The following CAST variants were observed in gnomAD, a reference collection of about 807,000 sequenced individuals.
CAST encodes MIR583 host.
In CAST, 76 loss-of-function variants were observed where a neutral mutation model predicts 119.6. The observed-to-expected ratio is 0.64, with a 90% confidence interval of 0.53 to 0.77. The LOEUF (loss-of-function observed/expected upper bound fraction) is 0.77. CAST is among the 30% of genes least tolerant of loss of function. The probability of loss-of-function intolerance (pLI) is 0.00; values close to 1 mark genes in which losing one functional copy is unlikely to be tolerated. For missense variants in CAST, 953 were observed against 946.5 expected (o/e 1.01, Z -0.09); for synonymous variants, 319 against 331.6 (o/e 0.96, Z 0.41).
chr5:96,362,831 T>G, the CAST span, among the ~76,000 whole-genome samples: 200 of 152,170 alleles, frequency 1.3e-3, 1 homozygote, highest in African/African-American at 4.5e-3. Context: ...AGAAGCTCTT[T>G]AGTTTAATTA....
chr5:96,620,969 C>G (rs955852819), intron 1 of CAST, among the ~76,000 whole-genome samples: 1 of 152,210 alleles, frequency 6.6e-6, no homozygotes, highest in African/African-American at 2.4e-5. Flanking sequence ...AATTAGTACC[C>G]TTGTTTTGTA....
the CAST span, among the ~76,000 whole-genome samples, chr5:96,328,354 C>CT: frequency 1.4e-5 from 2 of 143,848 alleles, no homozygotes; most frequent in African/African-American, 5.1e-5. Context: ...ATTTAGCTTG[C>CT]TTTTTTCTCT....
intron 18 of CAST, among the ~76,000 whole-genome samples, chr5:96,748,234 A>G (rs1384884258): frequency 2.6e-5 from 4 of 152,226 alleles, no homozygotes; most frequent in African/African-American, 9.6e-5. Context: ...AGAACAGGCA[A>G]TTTTATTTGA....
chr5:96,184,868 C>T, the CAST span, among the ~76,000 whole-genome samples: 1 of 152,046 alleles, frequency 6.6e-6, no homozygotes, highest in African/African-American at 2.4e-5. Flanking sequence ...TGGATATATA[C>T]CCAGTAATGT....
chr5:96,408,308 G>A, the CAST span: 1 of 1,613,714 alleles, frequency 6.2e-7, no homozygotes, highest in East Asian at 2.2e-5. Flanking sequence ...CAGTCATTGT[G>A]CAGGTCAGCG....
chr5:96,757,606 G>A lies in CAST; in HGVS notation c.1785G>A (p.Leu595=), dbSNP rs757352799. 3.1e-6 allele frequency: 5 copies of A among 1,613,664 alleles called. No homozygotes were observed. In the African/African-American group the frequency reaches 6.7e-5, roughly 22 times the overall value. ...AGCCCATGAGTGAAGACTTCCTTCT[G>A]GATGCTTTGTCTGAGGACTTCTCTG... The part of the protein sequence containing the change: ...QLPPMSEDFL[L]DALSEDFSGP... The change falls in exon 24 of 32, where the codon CTG becomes CTA. Residue 595 remains leucine, a synonymous_variant. Transcript: ENST00000675179.
chr5:96,126,142 C>T, the CAST span, among the ~76,000 whole-genome samples: 3 of 152,064 alleles, frequency 2.0e-5, no homozygotes, highest in Non-Finnish European at 2.9e-5. Context: ...TAGATTTTTG[C>T]TCCATGAAGG....
chr5:96,423,065 C>T, the CAST span, among the ~76,000 whole-genome samples: 2 of 152,308 alleles, frequency 1.3e-5, no homozygotes, highest in Non-Finnish European at 2.9e-5. Flanking sequence ...TTGGTGTAGG[C>T]ACTGCCCCTT....
chr5:96,425,069 AAAG>A, the CAST span, among the ~76,000 whole-genome samples: 1 of 147,788 alleles, frequency 6.8e-6, no homozygotes, highest in Admixed American at 6.8e-5. Flanking sequence ...AGAAAGAAAG[AAAG>A]AAAACGTAGG....
chr5:96,116,950 C>T, the CAST span, among the ~76,000 whole-genome samples: 1 of 152,116 alleles, frequency 6.6e-6, no homozygotes, highest in African/African-American at 2.4e-5. Flanking sequence ...TCCTTCTTGA[C>T]TACTTTCCAC....
chr5:96,184,690 C>A, the CAST span, among the ~76,000 whole-genome samples: 11 of 152,208 alleles, frequency 7.2e-5, no homozygotes, highest in South Asian at 1.9e-3. Flanking sequence ...TGATCTTATT[C>A]TTTTTTATGG....
intron 2 of CAST, among the ~76,000 whole-genome samples, chr5:96,676,925 G>A (rs1750783250): frequency 6.6e-6 from 1 of 151,536 alleles, no homozygotes; most frequent in African/African-American, 2.4e-5. Context: ...GTGGTGGTGT[G>A]CACCTGTAAT....
the CAST span, chr5:95,962,036 G>T: frequency 2.5e-6 from 1 of 406,230 alleles, no homozygotes; most frequent in Non-Finnish European, 4.3e-6. Context: ...ACGTCCGAGA[G>T]GTAAGAGGCT....
chr5:96,534,677 A>G (rs1191559727), intron 1 of CAST, among the ~76,000 whole-genome samples: 1 of 107,908 alleles, frequency 9.3e-6, no homozygotes, highest in Non-Finnish European at 1.9e-5. Flanking sequence ...AAAGAAAGAA[A>G]GAGAGAGAGA....
chr5:96,669,340 T>G (rs1257892355), intron 1 of CAST, among the ~76,000 whole-genome samples: 1 of 152,232 alleles, frequency 6.6e-6, no homozygotes, highest in Non-Finnish European at 1.5e-5. Context: ...AGCTACCTTC[T>G]TGGCCTCTTT....
At chr5:96,084,369 T>C in the CAST span, among the ~76,000 whole-genome samples, 2 of 152,096 alleles carry the variant, frequency 1.3e-5, no homozygotes, top group African/African-American at 4.8e-5. Flanking sequence ...GGATGAATAT[T>C]CAAAGAGGGA....
chr5:96,227,905 G>A, the CAST span, among the ~76,000 whole-genome samples: 3 of 152,086 alleles, frequency 2.0e-5, no homozygotes, highest in African/African-American at 7.2e-5. Context: ...GGGCAAGTAT[G>A]GTGGATTTTG....
At chr5:96,715,057 C>T (rs1005055852) in intron 3 of CAST, 1 of 152,104 alleles carries the variant, frequency 6.6e-6, no homozygotes, top group African/African-American at 2.4e-5. Flanking sequence ...ATGTTTATTT[C>T]GAGGCCTACC....
the CAST span, among the ~76,000 whole-genome samples, chr5:96,334,106 C>T: frequency 6.6e-6 from 1 of 152,138 alleles, no homozygotes; most frequent in Non-Finnish European, 1.5e-5. Context: ...CTTTATAATA[C>T]TCAGGTGCAA....
Sources: gnomAD v4.1 joint callset for allele counts (sites outside exome capture counted in the v4.1 genomes callset) on GRCh38, gnomAD v4.1.1 for gene constraint, MANE v1.5 for transcripts, NCBI Gene and HGNC (gene_info 2026-07-23, HGNC 2026-07-21) for gene names.